Variants in SPAM1 observed in about 807,000 individuals in gnomAD.
SPAM1 encodes the protein hyaluronidase PH-20.
In SPAM1, 22 loss-of-function variants were observed where a neutral mutation model predicts 29.6. The observed-to-expected ratio is 0.74, with a 90% CI of 0.53 to 1.06. The LOEUF (loss-of-function observed/expected upper bound fraction) is 1.06. SPAM1 is among the 50% of genes least tolerant of loss of function. The pLI is 0.00. For synonymous variants in SPAM1, 194 were observed against 204.6 expected (o/e 0.95, Z 0.44); for missense variants, 534 against 604.0 (o/e 0.88, Z 1.21).
chr7:123,959,518 CTA>C lies in SPAM1; in HGVS notation c.1082_1083del (p.Ile361ThrfsTer16). Reference sequence around the variant, plus strand: ...TTGCTCCTAGACAATTACATGGAGACTATACTGAATCCTTACATAATCAACGT... The same window carrying C: ...TTGCTCCTAGACAATTACATGGAGACTACTGAATCCTTACATAATCAACGT... On this transcript the variant is annotated frameshift_variant, in exon 5 of 5. Transcript: ENST00000682466. LOFTEE classifies it low-confidence loss of function (END_TRUNC). The C allele has an allele frequency of 6.2e-7, 1 of 1,611,892 alleles. No homozygotes were observed. Among genetic ancestry groups the C allele is most frequent in the Non-Finnish European group, 8.5e-7 (1 of 1,178,890 alleles).
chr7:123,945,364 T>C (rs1227086077), intron 1 of SPAM1, among the ~76,000 whole-genome samples: 1 of 152,056 alleles, frequency 6.6e-6, no homozygotes, highest in South Asian at 2.1e-4. Context: ...ATTAGGATAC[T>C]AAACAACAGC....
chr7:123,927,875 A>G (rs1807941063), intron 1 of SPAM1, among the ~76,000 whole-genome samples: 1 of 152,178 alleles, frequency 6.6e-6, no homozygotes, highest in South Asian at 2.1e-4. Context: ...AAATGCAAAG[A>G]TAAATTTTGA....
chr7:123,941,208 A>C (rs1009901596), intron 1 of SPAM1, among the ~76,000 whole-genome samples: 3 of 152,232 alleles, frequency 2.0e-5, no homozygotes, highest in Admixed American at 6.5e-5. Context: ...CAGGTCTCAA[A>C]ACATTTAGAA....
intron 1 of SPAM1, among the ~76,000 whole-genome samples, chr7:123,949,539 C>T (rs1584956098): frequency 2.0e-5 from 3 of 151,884 alleles, no homozygotes; most frequent in Non-Finnish European, 2.9e-5. Flanking sequence ...GATGAAATAC[C>T]GTATTTAAGC....
intron 1 of SPAM1, among the ~76,000 whole-genome samples, chr7:123,948,911 C>A (rs2117051334): frequency 6.6e-6 from 1 of 151,188 alleles, no homozygotes; most frequent in African/African-American, 2.4e-5. Context: ...AAGCATTTAT[C>A]ATGGAAATAA....
intron 5 of SPAM1, among the ~76,000 whole-genome samples, chr7:123,969,558 T>C (rs1792470861): frequency 6.6e-6 from 1 of 152,080 alleles, no homozygotes; most frequent in South Asian, 2.1e-4. Context: ...TTTTCCCCAA[T>C]ATATGTTCTT....
intron 1 of SPAM1, among the ~76,000 whole-genome samples, chr7:123,948,277 G>A (rs1808650020): frequency 6.6e-6 from 1 of 152,112 alleles, no homozygotes; most frequent in African/African-American, 2.4e-5. Flanking sequence ...ACTGTTACTT[G>A]TAACTGGAGG....
intron 2 of SPAM1, among the ~76,000 whole-genome samples, chr7:123,950,906 T>C (rs1808739448): frequency 6.6e-6 from 1 of 152,134 alleles, no homozygotes; most frequent in Non-Finnish European, 1.5e-5. Flanking sequence ...TCCTTTTTTC[T>C]GCATCCATGA....
chr7:123,955,879 G>A (rs1360170493), intron 4 of SPAM1, among the ~76,000 whole-genome samples: 1 of 151,798 alleles, frequency 6.6e-6, no homozygotes, highest in African/African-American at 2.4e-5. Context: ...TATTTTATGT[G>A]TCAGAAAATC....
chr7:123,929,191 C>T (rs754409515), intron 1 of SPAM1, among the ~76,000 whole-genome samples: 23 of 152,222 alleles, frequency 1.5e-4, no homozygotes, highest in Non-Finnish European at 3.1e-4. Flanking sequence ...CCACAAAAAC[C>T]TTGGCATCCC....
At chr7:123,949,326 A>G (rs1050026084) in intron 1 of SPAM1, among the ~76,000 whole-genome samples, 6 of 152,196 alleles carry the variant, frequency 3.9e-5, no homozygotes, top group African/African-American at 1.4e-4. Context: ...GATCAGAAAT[A>G]CATAATGGAC....
At chr7:123,939,799 G>C (rs1174270987) in intron 1 of SPAM1, among the ~76,000 whole-genome samples, 1 of 152,110 alleles carries the variant, frequency 6.6e-6, no homozygotes, top group East Asian at 1.9e-4. Context: ...TTCTATTTCA[G>C]ATTACTCTTG....
At chr7:123,970,608 A>T (rs184478477) in intron 6 of SPAM1, among the ~76,000 whole-genome samples, 2,850 of 147,234 alleles carry the variant, frequency 0.019, 39 homozygotes, top group South Asian at 0.04. Context: ...TAATAATAAT[A>T]ATTATTATTA....
At chr7:123,926,395 G>C (rs1204235626) in intron 1 of SPAM1, among the ~76,000 whole-genome samples, 1 of 152,044 alleles carries the variant, frequency 6.6e-6, no homozygotes, top group Non-Finnish European at 1.5e-5. Context: ...CTTAACTTTG[G>C]CAAAATAAAC....
At chr7:123,961,813 C>A (rs192526289), downstream of SPAM1, among the ~76,000 whole-genome samples, 36 of 152,082 alleles carry the variant, frequency 2.4e-4, no homozygotes, top group East Asian at 6.8e-3. Context: ...GGGGAGGTCT[C>A]ACAATCATGG....
chr7:123,953,341 ATGTATTC>A lies in SPAM1; in HGVS notation c.-206-17_-206-11del. 2.4e-6 allele frequency: 1 copy of A among 415,750 alleles called. No homozygotes were observed. Among genetic ancestry groups the A allele is most frequent in the African/African-American group, 2.1e-5 (1 of 48,566 alleles). The allele number at this position is 415,750 out of a possible 1,614,324, so 25.8% of individuals were successfully genotyped here. ...CTTTATTATGAAATGCATCATAACA[ATGTATTC>A]TGTATTTCTTTTTCAGTTATAGGTG... is the stretch of plus-strand genomic sequence containing the variant. On this transcript the variant is annotated splice_polypyrimidine_tract_variant and intron_variant, in intron 2 of 4. Coordinates refer to ENST00000682466, the MANE Select transcript of SPAM1 (RefSeq NM_153189.3).
At chr7:123,960,473 A>C (rs1255151652), downstream of SPAM1, among the ~76,000 whole-genome samples, 1 of 147,072 alleles carries the variant, frequency 6.8e-6, no homozygotes, top group African/African-American at 2.6e-5. Flanking sequence ...AGAAAACAAA[A>C]GGAGGGAAGA....
rs1226051917 is a variant in SPAM1, at chr7:123,929,078, AT to A, written c.-319+3728del. ...AAAGCTACTTTGGATTTGCTTCCGT[AT>A]TCTAGACAGGATTTCCAATAAAGGT... On this transcript the variant is annotated intron_variant, in intron 1 of 4. Coordinates refer to ENST00000682466, the MANE Select transcript of SPAM1 (RefSeq NM_153189.3). Among the ~76,000 whole-genome samples the A allele has an allele frequency of 2.0e-5, 3 of 152,152 alleles. No individual in the cohort carries two copies. In the South Asian group the frequency reaches 6.2e-4, roughly 31 times the overall value.
At chr7:123,964,632 C>G (rs1792399445), downstream of SPAM1, among the ~76,000 whole-genome samples, 1 of 151,880 alleles carries the variant, frequency 6.6e-6, no homozygotes, top group South Asian at 2.1e-4. Flanking sequence ...TCAACTGATC[C>G]TCCCACCTCA....
Sources: allele counts gnomAD v4.1 joint callset (sites outside exome capture counted in the v4.1 genomes callset), GRCh38; gene constraint gnomAD v4.1.1; transcripts MANE v1.5; gene names NCBI Gene and HGNC (gene_info 2026-07-23, HGNC 2026-07-21).